Variants in COL5A3 observed in about 807,000 individuals in gnomAD.
COL5A3 encodes the protein collagen alpha-3(V) chain.
Under a neutral mutation model 250.0 loss-of-function variants are expected in COL5A3, and 172 were observed. The ratio of observed to expected loss-of-function variants is 0.69; its 90% CI spans 0.61 to 0.78. The LOEUF (loss-of-function observed/expected upper bound fraction) is 0.78, where lower values mean the gene tolerates loss of function less well. Among genes scored for constraint, COL5A3 ranks in the 30% least tolerant of loss-of-function variants. The pLI is 0.00. For synonymous variants in COL5A3, 937 were observed against 900.4 expected, an observed-to-expected ratio of 1.04 and a Z score of -0.73; for missense variants, 2,340 against 2,334.4, an observed-to-expected ratio of 1.00 and a Z score of -0.05.
At chr19:9,975,826 A>G (rs1463711308) in intron 45 of COL5A3, among the ~76,000 whole-genome samples, 7 of 128,826 alleles carry the variant, frequency 5.4e-5, no homozygotes, top group African/African-American at 1.5e-4. Flanking sequence ...ACATGGTTGG[A>G]TTGGGATTGA....
At chr19:9,976,076 G>T (rs527959709) in intron 45 of COL5A3, among the ~76,000 whole-genome samples, 1 of 151,104 alleles carries the variant, frequency 6.6e-6, no homozygotes, top group Non-Finnish European at 1.5e-5. Flanking sequence ...TTCACATTGG[G>T]TGTCAGCATT....
Position 10,006,120 on chromosome 19 carries a change from A to G in COL5A3, c.200T>C (p.Ile67Thr). The G allele has an allele frequency of 6.2e-7, 1 of 1,613,814 alleles. No homozygotes were observed. The highest frequency in any genetic ancestry group is 1.1e-5 in the South Asian group (1 of 91,034). Residue 67 changes from isoleucine (I) to threonine (T), a missense_variant, in exon 2 of 67, where the codon ATT (isoleucine) becomes ACT (threonine). Ile to Thr is a moderately conservative substitution (Grantham distance 89). Transcript: ENST00000264828. ...RTPEGDRAFRIGQASTLGIPT... is the reference protein window; with the variant it reads ...RTPEGDRAFRTGQASTLGIPT... Reference sequence around the variant, plus strand: ...GATGCCGAGCGTGCTGGCCTGGCCAATTCTGAATGCCCGGTCACCCTCTGG... The same window carrying G: ...GATGCCGAGCGTGCTGGCCTGGCCAGTTCTGAATGCCCGGTCACCCTCTGG...
chr19:9,996,308 C>T (rs1210354724), intron 13 of COL5A3, 46 bp from the exon 14 acceptor site: 2 of 1,547,332 alleles, frequency 1.3e-6, no homozygotes, highest in Non-Finnish European at 1.7e-6. Flanking sequence ...CACAAGACCC[C>T]CAACATTCCC....
At chr19:9,990,133 C>T (rs2145117517) in intron 24 of COL5A3, among the ~76,000 whole-genome samples, 1 of 151,824 alleles carries the variant, frequency 6.6e-6, no homozygotes, top group South Asian at 2.1e-4. Flanking sequence ...GTGGCTCATA[C>T]CTGTAATCCC....
Position 10,010,300 on chromosome 19 carries a change from G to A in COL5A3, c.86C>T (p.Ala29Val). Residue 29 changes from alanine to valine, a missense_variant and splice_region_variant, in exon 1 of 67, where the codon GCC (alanine) becomes GTC (valine). Ala to Val is a moderately conservative substitution (Grantham distance 64). Around this residue, in one of 3 missense-constraint regions of COL5A3, gnomAD observed 1,152 missense variants for 1,146.3 expected, o/e 1.00. Transcript: ENST00000264828. Reference protein sequence around the residue: ...AALQLLPGTQADPVDVLKALG... With the variant: ...AALQLLPGTQVDPVDVLKALG... ...CCATCTCTTCCCTCCCGGCTCACCG[G>A]CCTGCGTCCCCGGCAGAAGCTGCAG... The A allele has an allele frequency of 6.9e-7, 1 of 1,444,716 alleles. No homozygotes were observed. The highest frequency in any genetic ancestry group is 1.5e-5 in the South Asian group (1 of 68,490). 89.5% of individuals were successfully genotyped at this position (1,444,716 alleles called of 1,614,324 possible).
At chr19:9,999,560 C>T (rs113711215) in intron 8 of COL5A3, among the ~76,000 whole-genome samples, 3,263 of 150,410 alleles carry the variant, frequency 0.022, 137 homozygotes, top group African/African-American at 0.076. Context: ...CTCCGCCTCC[C>T]GGGTTCACGC....
chr19:10,007,232 T>C (rs1043412856), intron 1 of COL5A3, among the ~76,000 whole-genome samples: 1 of 146,376 alleles, frequency 6.8e-6, no homozygotes, highest in Non-Finnish European at 1.5e-5. Context: ...TCTGATCAAC[T>C]CCCTCTGACC....
intron 16 of COL5A3, 103 bp downstream of exon 16, chr19:9,995,461 T>C: frequency 3.0e-6 from 3 of 1,005,880 alleles, no homozygotes; most frequent in Non-Finnish European, 4.3e-6. Context: ...AGCACTCTTT[T>C]CCCACTAACG....
chr19:9,974,407 C>A lies in COL5A3; in HGVS notation c.3344G>T (p.Gly1115Val). The A allele has an allele frequency of 3.8e-6, 6 of 1,583,874 alleles. No individual in the cohort carries two copies. The highest frequency in any genetic ancestry group is 4.3e-6 in the Non-Finnish European group (5 of 1,168,546). The change falls in exon 46 of 67, where the codon GGA becomes GTA. Residue 1115 changes from glycine (G) to valine (V), a missense_variant and splice_region_variant. Transcript: ENST00000264828. ...RGPAGHPGPP[G>V]ADGAQGRRGP... ...CCGGCGCCCCTGAGCCCCGTCTGCT[C>A]CCTGGAAGAACACAAACAGGGGCAC...
intron 48 of COL5A3, 45 bp from the exon 49 acceptor site, chr19:9,973,854 C>A: frequency 6.2e-7 from 1 of 1,610,102 alleles, no homozygotes; most frequent in African/African-American, 1.3e-5. Flanking sequence ...GGAATCCCAA[C>A]ATCCTCTTCT....
chr19:9,967,076 G>A (rs1236876570), intron 62 of COL5A3, among the ~76,000 whole-genome samples: 1 of 152,098 alleles, frequency 6.6e-6, no homozygotes, highest in East Asian at 1.9e-4. Context: ...ACAGATAAGG[G>A]AGATGGACAG....
chr19:10,006,167 A>T lies in COL5A3; in HGVS notation c.153T>A (p.Pro51=). The T allele has an allele frequency of 6.2e-7, 1 of 1,610,322 alleles. No individual in the cohort carries two copies. ...QGGQAGVPEG[P]GFCPQRTPEG... ...CTGGAGTCCTCTGGGGACAGAAGCC[A>T]GGCCCCTCGGGGACCCCAGCCTGGC... Residue 51 remains proline (P), a synonymous_variant, in exon 2 of 67, where the codon CCT becomes CCA. Coordinates refer to ENST00000264828, the MANE Select transcript of COL5A3 (RefSeq NM_015719.4).
intron 45 of COL5A3, among the ~76,000 whole-genome samples, chr19:9,976,291 TGTACTGA>T (rs2086921191): frequency 7.1e-6 from 1 of 139,874 alleles, no homozygotes; most frequent in Admixed American, 7.1e-5. Context: ...ACTGGGTGTT[TGTACTGA>T]GGGGAAGACA....
intron 51 of COL5A3, among the ~76,000 whole-genome samples, chr19:9,971,492 G>C (rs903586634): frequency 6.6e-6 from 1 of 152,104 alleles, no homozygotes; most frequent in Non-Finnish European, 1.5e-5. Flanking sequence ...CTCTCAGCTC[G>C]GGACTCACAG....
intron 33 of COL5A3, 27 bp downstream of exon 33, chr19:9,981,061 G>A: frequency 6.2e-7 from 1 of 1,610,982 alleles, no homozygotes. Flanking sequence ...GTCCCAGCAG[G>A]GTAGGGGGCA....
intron 8 of COL5A3, among the ~76,000 whole-genome samples, chr19:9,999,473 T>C (rs1222308265): frequency 6.9e-6 from 1 of 145,060 alleles, no homozygotes; most frequent in Non-Finnish European, 1.5e-5. Flanking sequence ...TTTTTTCTTT[T>C]TTTTTTTTTT....
At chr19:9,962,102 TTAA>T (rs1168279886) in intron 65 of COL5A3, among the ~76,000 whole-genome samples, 1 of 151,920 alleles carries the variant, frequency 6.6e-6, no homozygotes, top group Non-Finnish European at 1.5e-5. Context: ...ACAAAATATC[TTAA>T]TAATGCTTTT....
Position 9,969,625 on chromosome 19 carries a change from G to T in COL5A3, c.4048C>A (p.Pro1350Thr). 6.3e-7 allele frequency: 1 copy of T among 1,592,140 alleles called. No individual in the cohort carries two copies. Among genetic ancestry groups the T allele is most frequent in the Non-Finnish European group, 8.5e-7 (1 of 1,174,708 alleles). Residue 1350 changes from proline to threonine, a missense_variant, in exon 56 of 67, where the codon CCC (proline) becomes ACC (threonine). By Grantham distance (38) the Pro-to-Thr change is conservative. This residue lies in a region of COL5A3 where 1,179 missense variants were observed against 1,162.6 expected (regional missense o/e 1.01). Coordinates refer to ENST00000264828, the MANE Select transcript of COL5A3 (RefSeq NM_015719.4). ...GRTGPMGARG[P>T]PGRVGPEGLR... is the part of the protein sequence containing the mutation. Reference sequence around the variant, plus strand: ...CCCTCAGGCCCCACACGTCCAGGGGGCCCTCTAGCCCCCATTGGACCCGTC... The same window carrying T: ...CCCTCAGGCCCCACACGTCCAGGGGTCCCTCTAGCCCCCATTGGACCCGTC...
At position 9,978,951 on chromosome 19, in the gene COL5A3, C is replaced by A; in HGVS notation, c.2904G>T (p.Gly968=). The A allele has an allele frequency of 1.3e-6, 2 of 1,534,656 alleles. No homozygotes were observed. The highest frequency in any genetic ancestry group is 2.4e-5 in the East Asian group (1 of 41,880). ...KGELGPPGPL[G]KEGPAGLRGF... is the part of the protein sequence containing the mutation. ...CCCTGAGTCCAGCTGGCCCTTCTTTCCCAAGGGGTCCTGGTGGTCCCAGTT... is the reference window on the plus strand; with the variant it reads ...CCCTGAGTCCAGCTGGCCCTTCTTTACCAAGGGGTCCTGGTGGTCCCAGTT... The change falls in exon 40 of 67, where the codon GGG becomes GGT. Residue 968 remains glycine, a synonymous_variant. Coordinates refer to ENST00000264828, the MANE Select transcript of COL5A3 (RefSeq NM_015719.4).
Sources: allele counts gnomAD v4.1 joint callset (sites outside exome capture counted in the v4.1 genomes callset), GRCh38; gene constraint gnomAD v4.1.1; regional missense constraint gnomAD v4.1.1; transcripts MANE v1.5; gene names NCBI Gene and HGNC (gene_info 2026-07-23, HGNC 2026-07-21).